Variants in BAZ2B observed in about 807,000 individuals in gnomAD.
BAZ2B encodes bromodomain adjacent to zinc finger domain protein 2B.
In BAZ2B, 91 loss-of-function variants were observed where a neutral mutation model predicts 246.0. That is an observed-to-expected ratio of 0.37 (90% CI 0.31 to 0.44). The LOEUF (loss-of-function observed/expected upper bound fraction) is 0.44. Among genes scored for constraint, BAZ2B ranks in the 20% least tolerant of loss-of-function variants. BAZ2B has a pLI of 1.00. For missense variants in BAZ2B, 2,332 were observed against 2,533.7 expected, an observed-to-expected ratio of 0.92 and a Z score of 1.71; for synonymous variants, 855 against 860.0, an observed-to-expected ratio of 0.99 and a Z score of 0.10.
chr2:159,679,340 A>G, the BAZ2B span, among the ~76,000 whole-genome samples: 1 of 151,720 alleles, frequency 6.6e-6, no homozygotes, highest in Non-Finnish European at 1.5e-5. Flanking sequence ...GACTCTGTTA[A>G]AGGTGACATG....
At chr2:159,345,199 G>A (rs578107042) in intron 31 of BAZ2B, among the ~76,000 whole-genome samples, 1 of 141,156 alleles carries the variant, frequency 7.1e-6, no homozygotes, top group East Asian at 2.4e-4. Context: ...CAACAAAAGT[G>A]AAACTTGGTC....
chr2:159,541,569 G>A (rs1440111724), intron 2 of BAZ2B, among the ~76,000 whole-genome samples: 1 of 152,100 alleles, frequency 6.6e-6, no homozygotes, highest in Admixed American at 6.6e-5. Flanking sequence ...GTGAGCCACT[G>A]CGGCCAGCCA....
At chr2:159,648,181 A>C in the BAZ2B span, among the ~76,000 whole-genome samples, 164 of 152,232 alleles carry the variant, frequency 1.1e-3, no homozygotes, top group Middle Eastern at 6.8e-3. Context: ...TCTGTCATCC[A>C]GGCTGGAATG....
intron 1 of BAZ2B, among the ~76,000 whole-genome samples, chr2:159,568,349 T>C (rs1272772738): frequency 1.3e-5 from 2 of 152,112 alleles, no homozygotes; most frequent in Admixed American, 6.6e-5. Flanking sequence ...ACAAAAACTA[T>C]GAAAATCAAT....
In BAZ2B at chr2:159,333,460, C is replaced by T. The variant is rs112478587; in HGVS notation, c.5797-774G>A. Among the ~76,000 whole-genome samples the T allele has an allele frequency of 3.3e-3, 503 of 152,124 alleles. 2 individuals are homozygous for T. The highest frequency in any genetic ancestry group is 0.011 in the African/African-American group (444 of 41,534). ...AAAAAGAAGACTTTTTCCATGTACA[C>T]ATATTCTGTACGGTAAGTTTTACAA... On this transcript the variant is annotated intron_variant, in intron 33 of 36. Transcript: ENST00000392783.
chr2:159,570,689 G>A (rs1683786538), intron 1 of BAZ2B, among the ~76,000 whole-genome samples: 1 of 151,970 alleles, frequency 6.6e-6, no homozygotes, highest in African/African-American at 2.4e-5. Flanking sequence ...CAAGCAAAAA[G>A]CAACCTTCTC....
Position 159,350,140 on chromosome 2 carries a change from C to G in BAZ2B, c.4431G>C (p.Lys1477Asn), listed in dbSNP as rs766888433. Reference sequence around the variant, plus strand: ...TCATAACCTCTGACTCAGGAGGCATCTTAGCTACTTCCAAAAGCTTGCTTA... The same window carrying G: ...TCATAACCTCTGACTCAGGAGGCATGTTAGCTACTTCCAAAAGCTTGCTTA... ...SKLSKLLEVA[K>N]MPPESEVMTP... The change falls in exon 28 of 37, where the codon AAG becomes AAC. Residue 1477 changes from lysine (K) to asparagine (N), a missense_variant. Transcript: ENST00000392783. 1.2e-5 allele frequency: 20 copies of G among 1,613,948 alleles called. No individual in the cohort carries two copies. The highest frequency in any genetic ancestry group is 1.7e-5 in the Non-Finnish European group (20 of 1,179,998).
At chr2:159,414,116 A>G (rs1037877287) in intron 13 of BAZ2B, among the ~76,000 whole-genome samples, 2 of 152,210 alleles carry the variant, frequency 1.3e-5, no homozygotes, top group African/African-American at 2.4e-5. Flanking sequence ...CAACAACATC[A>G]TGGATGGAAC....
chr2:159,603,208 C>T (rs1293198182), intron 1 of BAZ2B, among the ~76,000 whole-genome samples: 1 of 152,176 alleles, frequency 6.6e-6, no homozygotes, highest in Non-Finnish European at 1.5e-5. Flanking sequence ...TTTTAAAATA[C>T]TTAATGACAA....
the BAZ2B span, among the ~76,000 whole-genome samples, chr2:159,696,130 C>T: frequency 6.6e-6 from 1 of 152,020 alleles, no homozygotes; most frequent in Admixed American, 6.6e-5. Context: ...AACCTCATTG[C>T]CTATTTTTTA....
At position 159,355,232 on chromosome 2, in the gene BAZ2B, A is replaced by G. The variant is rs186454999; in HGVS notation, c.4214-4875T>C. Among the ~76,000 whole-genome samples the G allele has an allele frequency of 1.5e-3, 235 of 152,256 alleles. 1 individual carries two copies. The highest frequency in any genetic ancestry group is 5.1e-3 in the African/African-American group (211 of 41,546). ...AATGGCCCCTTCCTAGGGTTCAAGC[A>G]CCCCTACCCACTCAGTATGGCTAAA... is the stretch of plus-strand genomic sequence containing the variant. On this transcript the variant is annotated intron_variant, in intron 27 of 36. Coordinates refer to ENST00000392783, the MANE Select transcript of BAZ2B (RefSeq NM_013450.4).
rs75730669 is a variant in BAZ2B, at chr2:159,492,361, C to T, written c.-2-13640G>A. 8.7e-3 allele frequency among the ~76,000 whole-genome samples: 1,326 copies of T among 152,276 alleles called. 24 individuals carry two copies. The highest frequency in any genetic ancestry group is 0.027 in the Admixed American group (420 of 15,284). On this transcript the variant is annotated intron_variant, in intron 2 of 36. Coordinates refer to ENST00000392783, the MANE Select transcript of BAZ2B (RefSeq NM_013450.4). The stretch of plus-strand genomic sequence containing the variant: ...AACCCTTAGCACTGTTGACTGCTGA[C>T]AATTTGGAGAAGTCAAAGTTCTAAA...
At chr2:159,625,052 A>G in the BAZ2B span, among the ~76,000 whole-genome samples, 1 of 152,062 alleles carries the variant, frequency 6.6e-6, no homozygotes, top group African/African-American at 2.4e-5. Flanking sequence ...TCAATAGCTG[A>G]ATTGATCAAG....
chr2:159,709,464 CCCACACA>C, the BAZ2B span, among the ~76,000 whole-genome samples: 5 of 152,152 alleles, frequency 3.3e-5, no homozygotes, highest in African/African-American at 1.2e-4. Context: ...TGAAATACTA[CCCACACA>C]GAAGTCATAA....
intron 25 of BAZ2B, among the ~76,000 whole-genome samples, chr2:159,379,823 C>T (rs2061796457): frequency 6.6e-6 from 1 of 152,144 alleles, no homozygotes; most frequent in Non-Finnish European, 1.5e-5. Context: ...GAAAAGAGTT[C>T]TTTCTAGACT....
intron 3 of BAZ2B, among the ~76,000 whole-genome samples, chr2:159,474,408 G>A (rs1027676689): frequency 1.3e-5 from 2 of 151,956 alleles, no homozygotes; most frequent in Admixed American, 6.6e-5. Flanking sequence ...CCATTTTCTT[G>A]GTAAATATTC....
chr2:159,349,328 G>C, intron 28 of BAZ2B, 48 bp from the exon 29 acceptor site: 1 of 1,471,298 alleles, frequency 6.8e-7, no homozygotes, highest in East Asian at 2.4e-5. Flanking sequence ...ACTCTAAGAA[G>C]TTAGGAAAAA....
chr2:159,352,221 C>A (rs1238014407), intron 27 of BAZ2B, among the ~76,000 whole-genome samples: 3 of 152,154 alleles, frequency 2.0e-5, no homozygotes, highest in African/African-American at 7.2e-5. Flanking sequence ...TGATCTTGTT[C>A]TTCCCTCTGC....
chr2:159,433,526 G>T, intron 8 of BAZ2B, 163 bp from the exon 9 acceptor site: 1 of 570,672 alleles, frequency 1.8e-6, no homozygotes, highest in Non-Finnish European at 2.8e-6. Context: ...ATGACTAGTT[G>T]GTTGCTACAT....
Sources: gnomAD v4.1 joint callset for allele counts (sites outside exome capture counted in the v4.1 genomes callset) on GRCh38, gnomAD v4.1.1 for gene constraint, MANE v1.5 for transcripts, NCBI Gene and HGNC (gene_info 2026-07-23, HGNC 2026-07-21) for gene names.